ATP10B: variants seen among roughly 807,000 people sequenced by gnomAD.
ATP10B encodes the protein phospholipid-transporting ATPase VB.
A neutral mutation model predicts 141.2 loss-of-function variants in ATP10B; 122 were observed. That is an observed-to-expected ratio of 0.86 (90% CI 0.75 to 1.00). ATP10B has a LOEUF of 1.00. Ranked by LOEUF, ATP10B falls within the 50% of genes least tolerant of loss-of-function variation. ATP10B has a pLI of 0.00. For missense variants in ATP10B, 1,876 were observed against 1,825.3 expected (o/e 1.03, Z -0.51); for synonymous variants, 685 against 692.0 (o/e 0.99, Z 0.16).
intron 2 of ATP10B, among the ~76,000 whole-genome samples, chr5:160,738,981 T>C (rs1213768519): frequency 1.3e-5 from 2 of 152,136 alleles, no homozygotes; most frequent in African/African-American, 4.8e-5. Flanking sequence ...TAACAAAATA[T>C]TGGCAAATCA....
intron 1 of ATP10B, among the ~76,000 whole-genome samples, chr5:160,815,065 A>G (rs1286059795): frequency 6.6e-6 from 1 of 152,216 alleles, no homozygotes; most frequent in Non-Finnish European, 1.5e-5. Flanking sequence ...GGCTAGGAAG[A>G]AACTGCATCA....
chr5:160,785,832 C>A (rs1277512920), intron 1 of ATP10B, 29 bp from the exon 2 acceptor site: 2 of 345,024 alleles, frequency 5.8e-6, no homozygotes, highest in South Asian at 3.0e-5. Context: ...AAAAGAAATA[C>A]AAAATATACA....
chr5:160,715,735 A>T (rs1765598994), intron 3 of ATP10B, among the ~76,000 whole-genome samples: 1 of 53,664 alleles, frequency 1.9e-5, no homozygotes, highest in Non-Finnish European at 4.5e-5. Context: ...TTTTTGAGAC[A>T]GTGTCTCACT....
chr5:160,805,611 C>T (rs1415929122), intron 1 of ATP10B, among the ~76,000 whole-genome samples: 1 of 152,090 alleles, frequency 6.6e-6, no homozygotes, highest in East Asian at 1.9e-4. Context: ...AGCCAGAAAC[C>T]TGTCTCGCCG....
At chr5:160,616,638 T>C (rs1159762711) in intron 16 of ATP10B, among the ~76,000 whole-genome samples, 5 of 152,226 alleles carry the variant, frequency 3.3e-5, no homozygotes, top group Non-Finnish European at 5.9e-5. Flanking sequence ...AGTCCCATTT[T>C]AGACCCTCCT....
At chr5:160,853,545 G>A (rs1753902900), upstream of ATP10B, among the ~76,000 whole-genome samples, 1 of 152,120 alleles carries the variant, frequency 6.6e-6, no homozygotes, top group Non-Finnish European at 1.5e-5. Flanking sequence ...CCTAAGACCA[G>A]CTCTTTCCCA....
At chr5:160,812,163 T>C (rs1011608671) in intron 1 of ATP10B, among the ~76,000 whole-genome samples, 1 of 152,084 alleles carries the variant, frequency 6.6e-6, no homozygotes, top group African/African-American at 2.4e-5. Context: ...TTCAAGACCA[T>C]CAACGTGGTA....
rs1179140480 is a variant in ATP10B, at chr5:160,661,382, A to G, written c.675+9081T>C. The stretch of plus-strand genomic sequence containing the variant: ...ATGCTGATTCAAACAAATGGAAAAT[A>G]TTGAAAACTGATTTGAAAGCTGATA... On this transcript the variant is annotated intron_variant, in intron 7 of 25. Coordinates refer to ENST00000327245, the MANE Select transcript of ATP10B (RefSeq NM_025153.3). Among the ~76,000 whole-genome samples, 5 of 152,236 alleles carry G rather than the reference A, an allele frequency of 3.3e-5. No homozygotes were observed. The East Asian group carries it at 9.6e-4, about 29-fold the overall frequency.
At chr5:160,703,374 G>A (rs1472417676) in intron 3 of ATP10B, among the ~76,000 whole-genome samples, 1 of 151,990 alleles carries the variant, frequency 6.6e-6, no homozygotes, top group Non-Finnish European at 1.5e-5. Context: ...AAAATACATA[G>A]CTTAATTAAA....
At chr5:160,592,282 G>T (rs1033760986) in intron 22 of ATP10B, among the ~76,000 whole-genome samples, 4 of 152,158 alleles carry the variant, frequency 2.6e-5, no homozygotes, top group African/African-American at 7.2e-5. Context: ...AATCCCAAGG[G>T]TTCTCAAACT....
intron 1 of ATP10B, among the ~76,000 whole-genome samples, chr5:160,806,693 A>T (rs998418940): frequency 6.6e-6 from 1 of 152,130 alleles, no homozygotes; most frequent in African/African-American, 2.4e-5. Flanking sequence ...CCACTCAACA[A>T]CCCTATTTAC....
At chr5:160,605,528 T>C (rs553555972) in intron 19 of ATP10B, among the ~76,000 whole-genome samples, 1 of 152,312 alleles carries the variant, frequency 6.6e-6, no homozygotes, top group South Asian at 2.1e-4. Flanking sequence ...GCTATTGCCT[T>C]GTGTGTGTCT....
chr5:160,701,450 T>C (rs1257128192), intron 3 of ATP10B, among the ~76,000 whole-genome samples: 1 of 152,198 alleles, frequency 6.6e-6, no homozygotes, highest in Non-Finnish European at 1.5e-5. Flanking sequence ...TAATTTATGA[T>C]TGAGGGGCTA....
In ATP10B at chr5:160,645,861, A is replaced by G. The variant is rs544766280; in HGVS notation, c.762-1617T>C. ...ACAACCTTATAAGACAGGGCTTATT[A>G]TCATACCCACTTTACAGATAGGGAA... On this transcript the variant is annotated intron_variant, in intron 8 of 25. Transcript: ENST00000327245. 3.3e-5 allele frequency among the ~76,000 whole-genome samples: 5 copies of G among 152,308 alleles called. No individual in the cohort carries two copies. The South Asian group carries it at 1.0e-3, about 32-fold the overall frequency.
At chr5:160,640,781 AG>A (rs1759799203) in intron 9 of ATP10B, among the ~76,000 whole-genome samples, 189 bp from the exon 10 acceptor site, 1 of 152,220 alleles carries the variant, frequency 6.6e-6, no homozygotes, top group Non-Finnish European at 1.5e-5. Context: ...GCAGGCACTC[AG>A]TGAGCATCCC....
At chr5:160,909,981 C>T in the ATP10B span, among the ~76,000 whole-genome samples, 1 of 152,166 alleles carries the variant, frequency 6.6e-6, no homozygotes, top group African/African-American at 2.4e-5. Context: ...AGGCACTTCA[C>T]CTTTGAGCTT....
intron 1 of ATP10B, among the ~76,000 whole-genome samples, chr5:160,818,252 T>C (rs1773828439): frequency 6.6e-6 from 1 of 152,364 alleles, no homozygotes; most frequent in South Asian, 2.1e-4. Flanking sequence ...TCTACTCATC[T>C]GACAAGGGGC....
chr5:160,912,414 C>CAAAA, the ATP10B span, among the ~76,000 whole-genome samples: 64 of 88,880 alleles, frequency 7.2e-4, 2 homozygotes, highest in African/African-American at 2.0e-3. Flanking sequence ...CTGTTTCTAC[C>CAAAA]AAAAAAAAAA....
intron 1 of ATP10B, among the ~76,000 whole-genome samples, chr5:160,793,508 A>G (rs146774369): frequency 2.0e-5 from 3 of 152,326 alleles, no homozygotes; most frequent in Admixed American, 6.5e-5. Flanking sequence ...GCTAAATAAC[A>G]TCTTGATCAA....
Sources: gnomAD v4.1 joint callset for allele counts (sites outside exome capture counted in the v4.1 genomes callset) on GRCh38, gnomAD v4.1.1 for gene constraint, MANE v1.5 for transcripts, NCBI Gene and HGNC (gene_info 2026-07-23, HGNC 2026-07-21) for gene names.